The following GOLPH3L variants were observed in gnomAD, a reference collection of about 807,000 sequenced individuals.
GOLPH3L encodes the protein Golgi phosphoprotein 3-like.
GOLPH3L carries 22 observed loss-of-function variants against 30.3 expected under a neutral mutation model. The observed-to-expected ratio is 0.73, with a 90% CI of 0.52 to 1.04. The LOEUF (loss-of-function observed/expected upper bound fraction) is 1.04. GOLPH3L is among the 50% of genes least tolerant of loss of function. The pLI is 0.00. For synonymous variants in GOLPH3L, 120 were observed against 128.2 expected, an observed-to-expected ratio of 0.94 and a Z score of 0.43; for missense variants, 303 against 345.8, an observed-to-expected ratio of 0.88 and a Z score of 0.98.
At chr1:150,678,033 C>T (rs1392859541) in intron 2 of GOLPH3L, among the ~76,000 whole-genome samples, 1 of 151,582 alleles carries the variant, frequency 6.6e-6, no homozygotes, top group Non-Finnish European at 1.5e-5. Context: ...GGCACGGTGG[C>T]TCATGCCTGT....
intron 2 of GOLPH3L, among the ~76,000 whole-genome samples, chr1:150,681,116 G>T (rs1483263356): frequency 6.6e-6 from 1 of 152,096 alleles, no homozygotes; most frequent in African/African-American, 2.4e-5. Context: ...CAGTCTGGGT[G>T]ACAAGAGCAA....
chr1:150,663,128 G>A (rs1376672107), intron 3 of GOLPH3L, among the ~76,000 whole-genome samples: 3 of 151,692 alleles, frequency 2.0e-5, no homozygotes, highest in East Asian at 3.9e-4. Flanking sequence ...TCCACCTTCC[G>A]GGTTCACGCC....
At chr1:150,653,507 C>T (rs2101778652) in intron 4 of GOLPH3L, among the ~76,000 whole-genome samples, 1 of 134,806 alleles carries the variant, frequency 7.4e-6, no homozygotes, top group African/African-American at 2.8e-5. Flanking sequence ...TGTTGCCAGG[C>T]TGGAATGGAG....
At chr1:150,694,012 G>A (rs1169688425) in intron 2 of GOLPH3L, 27 of 266,890 alleles carry the variant, frequency 1.0e-4, no homozygotes, top group South Asian at 5.9e-4. Flanking sequence ...GGCACCCGCC[G>A]CCACACATGG....
rs75131824 is a variant in GOLPH3L, at chr1:150,678,284, CAAAA to C, written c.184-14525_184-14522del. ...GGGCAACAAGATCGAAACTCCGTCTCAAAAAAAAAAAAAAAAAAAAAAAGGACAA... is the reference window on the plus strand; with the variant it reads ...GGGCAACAAGATCGAAACTCCGTCTCAAAAAAAAAAAAAAAAAAAGGACAA... On this transcript the variant is annotated intron_variant, in intron 2 of 4. Coordinates refer to ENST00000271732, the MANE Select transcript of GOLPH3L (RefSeq NM_018178.6). Among the ~76,000 whole-genome samples, 6 of 45,934 alleles carry C rather than the reference CAAAA, an allele frequency of 1.3e-4. No homozygotes were observed. The South Asian group carries it at 4.4e-3, about 34-fold the overall frequency. The allele number at this position is 45,934 out of a possible 152,430, so 30.1% of individuals were successfully genotyped here.
At chr1:150,694,004 C>A (rs755020778) in intron 2 of GOLPH3L, 39 of 257,854 alleles carry the variant, frequency 1.5e-4, no homozygotes, top group Non-Finnish European at 2.6e-4. Flanking sequence ...GGATTACAGG[C>A]ACCCGCCGCC....
chr1:150,654,863 C>T (rs922867356), intron 4 of GOLPH3L, among the ~76,000 whole-genome samples: 2 of 152,108 alleles, frequency 1.3e-5, no homozygotes, highest in Admixed American at 6.5e-5. Flanking sequence ...CCAGCGGGAA[C>T]GATAAGATTA....
At chr1:150,668,703 C>T (rs1389168882) in intron 2 of GOLPH3L, among the ~76,000 whole-genome samples, 1 of 152,092 alleles carries the variant, frequency 6.6e-6, no homozygotes, top group Non-Finnish European at 1.5e-5. Context: ...TTTGTGACTC[C>T]TCTTTAAGGA....
chr1:150,692,543 G>A (rs1228978427), intron 2 of GOLPH3L, among the ~76,000 whole-genome samples: 3 of 152,114 alleles, frequency 2.0e-5, no homozygotes, highest in Non-Finnish European at 4.4e-5. Context: ...GTGCCACCAT[G>A]TCCAGCTAAT....
At chr1:150,690,808 T>C (rs995080226) in intron 2 of GOLPH3L, among the ~76,000 whole-genome samples, 2 of 152,206 alleles carry the variant, frequency 1.3e-5, no homozygotes, top group Non-Finnish European at 2.9e-5. Context: ...TTTTACTGCC[T>C]TTTTCTATTC....
rs587622392 is a variant in GOLPH3L at position 150,680,393 on chromosome 1, G to C, written c.183+14263C>G. The stretch of plus-strand genomic sequence containing the variant: ...GATTATATCCCCAAGTAAATTAAGA[G>C]TTTTTTTTAAAGGATTATACATTAT... On this transcript the variant is annotated intron_variant, in intron 2 of 4. Transcript: ENST00000271732. Among the ~76,000 whole-genome samples, 119 of 152,034 alleles carry C rather than the reference G, an allele frequency of 7.8e-4. 1 individual carries two copies. Among genetic ancestry groups the C allele is most frequent in the African/African-American group, 2.8e-3 (115 of 41,462 alleles).
rs140727161 is a variant in GOLPH3L, at chr1:150,691,876, T to A, written c.183+2780A>T. 3.6e-3 allele frequency among the ~76,000 whole-genome samples: 543 copies of A among 152,160 alleles called. 7 individuals carry two copies. Among genetic ancestry groups the A allele is most frequent in the African/African-American group, 0.012 (510 of 41,508 alleles). ...ATTTTCATTCTGTATAGAAAACATA[T>A]TTATACTCATTTAAACAAATGGATG... On this transcript the variant is annotated intron_variant, in intron 2 of 4. Coordinates refer to ENST00000271732, the MANE Select transcript of GOLPH3L (RefSeq NM_018178.6).
intron 2 of GOLPH3L, among the ~76,000 whole-genome samples, chr1:150,677,237 A>G (rs1364045906): frequency 1.3e-5 from 2 of 151,356 alleles, no homozygotes; most frequent in African/African-American, 2.4e-5. Flanking sequence ...TGCCTGGCCT[A>G]TTTATTTATT....
At chr1:150,675,779 CAAAAAAAAAA>C (rs58158655) in intron 2 of GOLPH3L, among the ~76,000 whole-genome samples, 3 of 49,266 alleles carry the variant, frequency 6.1e-5, no homozygotes, top group Non-Finnish European at 9.8e-5. Context: ...GACTCTGTCT[CAAAAAAAAAA>C]AAAAAAAAAA....
Position 150,694,670 on chromosome 1 carries a change from G to A in GOLPH3L, c.169C>T (p.Leu57=), listed in dbSNP as rs1212900479. The A allele has an allele frequency of 1.3e-6, 2 of 1,599,006 alleles. No homozygotes were observed. Among genetic ancestry groups the A allele is most frequent in the Non-Finnish European group, 1.7e-6 (2 of 1,172,692 alleles). Residue 57 remains leucine, a synonymous_variant, in exon 2 of 5, where the codon CTA becomes TTA. Coordinates refer to ENST00000271732, the MANE Select transcript of GOLPH3L (RefSeq NM_018178.6). ...TLMEEVLLLG[L]KDKEGYTSFW... ...AACTGCATTACCTCTTTATCTTTTAGTCCCAGAAGCAATACTTCTTCCATA... is the reference window on the plus strand; with the variant it reads ...AACTGCATTACCTCTTTATCTTTTAATCCCAGAAGCAATACTTCTTCCATA...
chr1:150,675,779 C>CAA (rs58158655), intron 2 of GOLPH3L, among the ~76,000 whole-genome samples: 3 of 49,258 alleles, frequency 6.1e-5, no homozygotes, highest in Non-Finnish European at 9.8e-5. Context: ...GACTCTGTCT[C>CAA]AAAAAAAAAA....
At chr1:150,677,276 G>C (rs1650833182) in intron 2 of GOLPH3L, among the ~76,000 whole-genome samples, 1 of 150,588 alleles carries the variant, frequency 6.6e-6, no homozygotes. Context: ...TCGCTCCATT[G>C]CCCAGGCTGG....
intron 4 of GOLPH3L, among the ~76,000 whole-genome samples, chr1:150,658,204 C>T (rs753651811): frequency 1.3e-4 from 20 of 152,292 alleles, no homozygotes; most frequent in East Asian, 1.2e-3. Flanking sequence ...TAGCAACACC[C>T]GTTGAACACA....
intron 2 of GOLPH3L, among the ~76,000 whole-genome samples, chr1:150,667,696 C>T (rs1194620169): frequency 6.6e-6 from 1 of 151,450 alleles, no homozygotes; most frequent in East Asian, 1.9e-4. Context: ...CGGGTTCACG[C>T]CATTCTCCTG....
Sources: allele counts gnomAD v4.1 joint callset (sites outside exome capture counted in the v4.1 genomes callset), GRCh38; gene constraint gnomAD v4.1.1; transcripts MANE v1.5; gene names NCBI Gene and HGNC (gene_info 2026-07-23, HGNC 2026-07-21).